The following DPYD variants were observed in gnomAD, a reference collection of about 807,000 sequenced individuals.
The protein encoded by DPYD is dihydropyrimidine dehydrogenase.
Under a neutral mutation model 116.2 loss-of-function variants are expected in DPYD, and 109 were observed. That is an observed-to-expected ratio of 0.94 (90% CI 0.80 to 1.10). The LOEUF (loss-of-function observed/expected upper bound fraction) is 1.10. DPYD is among the 50% of genes least tolerant of loss of function. DPYD has a pLI of 0.00. For missense variants in DPYD, 1,302 were observed against 1,254.5 expected, an observed-to-expected ratio of 1.04 and a Z score of -0.57; for synonymous variants, 440 against 432.0, an observed-to-expected ratio of 1.02 and a Z score of -0.23.
chr1:97,582,091 C>T (rs180806487), intron 10 of DPYD, among the ~76,000 whole-genome samples: 1 of 152,222 alleles, frequency 6.6e-6, no homozygotes, highest in East Asian at 1.9e-4. Flanking sequence ...AACCTGGAAA[C>T]GTGAATTTAG....
At chr1:97,378,098 T>C (rs1176475445) in intron 15 of DPYD, among the ~76,000 whole-genome samples, 1 of 152,188 alleles carries the variant, frequency 6.6e-6, no homozygotes, top group African/African-American at 2.4e-5. Flanking sequence ...TATTCAAAAC[T>C]GGAGTTAAAG....
chr1:97,824,330 T>A (rs901989957), intron 3 of DPYD, among the ~76,000 whole-genome samples: 1 of 152,232 alleles, frequency 6.6e-6, no homozygotes, highest in African/African-American at 2.4e-5. Context: ...GAACATGGTT[T>A]AGCTTCACTC....
At chr1:97,145,409 T>C (rs978520473) in intron 20 of DPYD, among the ~76,000 whole-genome samples, 3 of 152,100 alleles carry the variant, frequency 2.0e-5, no homozygotes, top group Non-Finnish European at 4.4e-5. Flanking sequence ...AGCAGCCTCT[T>C]TGTTGTATAA....
intron 1 of DPYD, among the ~76,000 whole-genome samples, chr1:97,895,657 A>G (rs2101671306): frequency 6.6e-6 from 1 of 151,890 alleles, no homozygotes; most frequent in South Asian, 2.1e-4. Context: ...GGATCAGAGT[A>G]GAGCAAGGAG....
intron 20 of DPYD, among the ~76,000 whole-genome samples, chr1:97,166,662 C>A (rs1209960332): frequency 6.6e-6 from 1 of 152,160 alleles, no homozygotes; most frequent in African/African-American, 2.4e-5. Context: ...TTCCTTAAGA[C>A]AACTAATGGT....
At chr1:97,318,776 ACAT>A in intron 16 of DPYD, among the ~76,000 whole-genome samples, 1 of 149,518 alleles carries the variant, frequency 6.7e-6, no homozygotes, top group Non-Finnish European at 1.5e-5. Flanking sequence ...AACAGAATAT[ACAT>A]TTTTTTCAGC....
At chr1:97,761,410 G>C (rs534772760) in intron 3 of DPYD, among the ~76,000 whole-genome samples, 2 of 152,004 alleles carry the variant, frequency 1.3e-5, no homozygotes, top group Non-Finnish European at 2.9e-5. Flanking sequence ...GAGAATATAT[G>C]AAACAAAATG....
intron 20 of DPYD, among the ~76,000 whole-genome samples, chr1:97,106,782 T>TATA (rs146632570): frequency 0.14 from 21,337 of 152,088 alleles, 1,628 homozygotes; most frequent in Non-Finnish European, 0.17. Context: ...TCCTGGCCTC[T>TATA]ATAACAACGT....
intron 8 of DPYD, among the ~76,000 whole-genome samples, chr1:97,598,475 G>A (rs1655025919): frequency 6.6e-6 from 1 of 152,296 alleles, no homozygotes; most frequent in Admixed American, 6.5e-5. Flanking sequence ...GTCTTTCAAG[G>A]AGGCCGGATA....
intron 12 of DPYD, among the ~76,000 whole-genome samples, chr1:97,536,324 T>C (rs1038249381): frequency 6.6e-5 from 10 of 152,234 alleles, no homozygotes; most frequent in Admixed American, 2.6e-4. Context: ...TCATTGTTTT[T>C]CAACCTGACA....
chr1:97,530,685 T>C (rs1649552216), intron 12 of DPYD, among the ~76,000 whole-genome samples: 1 of 152,198 alleles, frequency 6.6e-6, no homozygotes, highest in African/African-American at 2.4e-5. Flanking sequence ...TATTTTAAAT[T>C]TTTTGAGAAA....
Position 97,455,559 on chromosome 1 carries a change from A to G in DPYD, c.1741-5336T>C, listed in dbSNP as rs565038820. ...ACAAAAGAGGAAAATCACTCTACAA[A>G]CAAGTCTAACAACAAATATCTTGTT... On this transcript the variant is annotated intron_variant, in intron 13 of 22. Transcript: ENST00000370192. Among the ~76,000 whole-genome samples the G allele has an allele frequency of 2.2e-3, 339 of 152,014 alleles. 1 individual carries two copies. The highest frequency in any genetic ancestry group is 3.4e-3 in the Middle Eastern group (1 of 294).
chr1:97,419,444 T>C (rs1266159101), intron 14 of DPYD, among the ~76,000 whole-genome samples: 1 of 152,172 alleles, frequency 6.6e-6, no homozygotes, highest in Non-Finnish European at 1.5e-5. Context: ...TATAATACAT[T>C]ATGATTTTTG....
chr1:97,196,941 T>G (rs572411713), intron 19 of DPYD, among the ~76,000 whole-genome samples: 1 of 152,190 alleles, frequency 6.6e-6, no homozygotes, highest in Non-Finnish European at 1.5e-5. Context: ...AATCCACACT[T>G]TTAGACAAAA....
At chr1:97,157,532 A>T (rs191998644) in intron 20 of DPYD, among the ~76,000 whole-genome samples, 10 of 152,274 alleles carry the variant, frequency 6.6e-5, no homozygotes, top group African/African-American at 2.4e-4. Flanking sequence ...GTTTCCTATT[A>T]TTAAGTCAGT....
intron 18 of DPYD, among the ~76,000 whole-genome samples, chr1:97,248,559 TC>T (rs1339108887): frequency 2.0e-5 from 3 of 152,184 alleles, no homozygotes; most frequent in African/African-American, 7.2e-5. Context: ...CATTTGAAAA[TC>T]AATTAATGTA....
chr1:97,789,327 C>G (rs1667201729), intron 3 of DPYD, among the ~76,000 whole-genome samples: 1 of 152,080 alleles, frequency 6.6e-6, no homozygotes, highest in Non-Finnish European at 1.5e-5. Context: ...CATGAGCTGA[C>G]CCTCCCTCAG....
chr1:97,485,608 T>C (rs758263254), intron 13 of DPYD, among the ~76,000 whole-genome samples: 5 of 149,850 alleles, frequency 3.3e-5, no homozygotes, highest in Admixed American at 6.8e-5. Flanking sequence ...TCTTCAGCTA[T>C]TTAATCAATT....
intron 20 of DPYD, among the ~76,000 whole-genome samples, chr1:97,129,730 T>C (rs147991729): frequency 6.6e-6 from 1 of 152,328 alleles, no homozygotes. Context: ...AAGATGGTTA[T>C]TTCTTTTAGA....
Sources: allele counts gnomAD v4.1 joint callset (sites outside exome capture counted in the v4.1 genomes callset), GRCh38; gene constraint gnomAD v4.1.1; transcripts MANE v1.5; gene names NCBI Gene and HGNC (gene_info 2026-07-23, HGNC 2026-07-21).